The following MYO5A variants were observed in gnomAD, a reference collection of about 807,000 sequenced individuals.
The protein encoded by MYO5A is myosin VA, also known as unconventional myosin-Va.
MYO5A carries 98 observed loss-of-function variants against 249.7 expected under a neutral mutation model. The ratio of observed to expected loss-of-function variants is 0.39; its 90% confidence interval spans 0.33 to 0.46. The LOEUF (loss-of-function observed/expected upper bound fraction) is 0.46, where lower values mean the gene tolerates loss of function less well. Ranked by LOEUF, MYO5A falls within the 20% of genes least tolerant of loss-of-function variation. The pLI, the probability that MYO5A is intolerant of heterozygous loss-of-function variation, is 0.98. For missense variants in MYO5A, 1,696 were observed against 2,308.8 expected (o/e 0.73, Z 5.44); for synonymous variants, 778 against 810.6 (o/e 0.96, Z 0.68).
At chr15:52,494,926 T>TTAGCAA (rs1331327901) in intron 1 of MYO5A, among the ~76,000 whole-genome samples, 3 of 152,202 alleles carry the variant, frequency 2.0e-5, no homozygotes, top group African/African-American at 7.2e-5. Flanking sequence ...ACAATAAATG[T>TTAGCAA]TAAAGGTTGG....
chr15:52,386,666 C>T (rs749320991), intron 14 of MYO5A, among the ~76,000 whole-genome samples: 5 of 152,070 alleles, frequency 3.3e-5, no homozygotes, highest in South Asian at 2.1e-4. Flanking sequence ...TCCCACTCAG[C>T]TTCCCAAGTA....
intron 1 of MYO5A, among the ~76,000 whole-genome samples, chr15:52,433,999 C>CTTT (rs398043307): frequency 2.4e-5 from 3 of 127,300 alleles, no homozygotes; most frequent in Admixed American, 8.1e-5. Context: ...CTTTCTTTTT[C>CTTT]TTTTTTTTTT....
intron 1 of MYO5A, among the ~76,000 whole-genome samples, chr15:52,476,276 C>T (rs1254666138): frequency 1.3e-5 from 2 of 152,046 alleles, no homozygotes; most frequent in African/African-American, 4.8e-5. Context: ...TATTTTGAGC[C>T]TATGTGTGTC....
chr15:52,329,793 C>T (rs181385037), intron 35 of MYO5A, among the ~76,000 whole-genome samples: 31 of 152,046 alleles, frequency 2.0e-4, no homozygotes, highest in African/African-American at 7.0e-4. Flanking sequence ...GGGTGGAGTG[C>T]AGTGGTATAA....
At chr15:52,455,187 A>G (rs1223942079) in intron 1 of MYO5A, among the ~76,000 whole-genome samples, 3 of 152,058 alleles carry the variant, frequency 2.0e-5, no homozygotes, top group African/African-American at 7.2e-5. Flanking sequence ...ATAAAGTACT[A>G]TATGCCAACA....
chr15:52,510,093 G>A (rs1408326933), intron 1 of MYO5A, among the ~76,000 whole-genome samples: 2 of 124,400 alleles, frequency 1.6e-5, no homozygotes, highest in Admixed American at 1.8e-4. Context: ...GAATTAAGCG[G>A]ACTAAAATGA....
chr15:52,473,836 G>A (rs2076532099), intron 1 of MYO5A, among the ~76,000 whole-genome samples: 1 of 152,192 alleles, frequency 6.6e-6, no homozygotes, highest in Admixed American at 6.5e-5. Context: ...GATGCCTCCA[G>A]CTTTGTTCTT....
In MYO5A at chr15:52,384,257, G is replaced by C. The variant is rs1289357066; in HGVS notation, c.1818C>G (p.Ser606=). The change falls in exon 15 of 42, where the codon TCC becomes TCG. Residue 606 remains serine (S), a synonymous_variant. Coordinates refer to ENST00000399233, the MANE Select transcript of MYO5A (RefSeq NM_001382347.1). ...EKAISPTSAT[S]SGRTPLTRTP... ...TTCGTGTGAGGGGTGTGCGCCCTGA[G>C]GAGGTGGCTGAAGTTGGACTGATGG... The C allele has an allele frequency of 6.2e-7, 1 of 1,614,194 alleles. No homozygotes were observed. Among genetic ancestry groups the C allele is most frequent in the Middle Eastern group, 1.6e-4 (1 of 6,062 alleles).
chr15:52,405,051 T>TCA (rs58764245), intron 9 of MYO5A, among the ~76,000 whole-genome samples: 1,937 of 140,254 alleles, frequency 0.014, 25 homozygotes, highest in Admixed American at 0.024. Flanking sequence ...TCTCTCTCTG[T>TCA]CACACACACA....
chr15:52,461,475 A>T (rs1192818206), intron 1 of MYO5A, among the ~76,000 whole-genome samples: 1 of 152,196 alleles, frequency 6.6e-6, no homozygotes, highest in Non-Finnish European at 1.5e-5. Flanking sequence ...TAGTCACCCA[A>T]ACTTAAAAAC....
At chr15:52,358,387 G>A (rs2141042324) in intron 25 of MYO5A, among the ~76,000 whole-genome samples, 1 of 152,288 alleles carries the variant, frequency 6.6e-6, no homozygotes, top group East Asian at 1.9e-4. Context: ...AGGCTCAGAA[G>A]TCCTAATTTT....
chr15:52,344,396 C>T (rs1270358833), intron 30 of MYO5A, among the ~76,000 whole-genome samples: 8 of 152,156 alleles, frequency 5.3e-5, no homozygotes. Flanking sequence ...ACTCCAGTCC[C>T]ACGATCACAA....
chr15:52,416,126 CGAAGACTCGCTGTCT>C lies in MYO5A; in HGVS notation c.612+4_612+18del, dbSNP rs773393604. On this transcript the variant is annotated splice_donor_5th_base_variant and intron_variant, in intron 5 of 41. Transcript: ENST00000399233. ...TATCAAGAGAATATAGGAAGAAAGCCGAAGACTCGCTGTCTTACCTCCATGATGGGGTTGGAGGCC... is the reference window on the plus strand; with the variant it reads ...TATCAAGAGAATATAGGAAGAAAGCCTACCTCCATGATGGGGTTGGAGGCC... 4 of 1,613,418 alleles carry C rather than the reference CGAAGACTCGCTGTCT, an allele frequency of 2.5e-6. No individual in the cohort carries two copies. Among genetic ancestry groups the C allele is most frequent in the African/African-American group, 2.7e-5 (2 of 74,974 alleles).
At position 52,325,251 on chromosome 15, in the gene MYO5A, T is replaced by C. The variant is rs192476379; in HGVS notation, c.4711-1807A>G. 2.7e-3 allele frequency among the ~76,000 whole-genome samples: 418 copies of C among 152,244 alleles called. 2 individuals carry two copies. Among genetic ancestry groups the C allele is most frequent in the African/African-American group, 8.2e-3 (341 of 41,534 alleles). ...TCACTGACGTCTACACAAGTCAAAC[T>C]GCAGAGATCCTCAGAATAGTCCCAG... On this transcript the variant is annotated intron_variant, in intron 36 of 41. Transcript: ENST00000399233.
intron 1 of MYO5A, among the ~76,000 whole-genome samples, chr15:52,504,054 CTTTTT>C (rs71425753): frequency 2.4e-5 from 3 of 122,952 alleles, no homozygotes; most frequent in Middle Eastern, 4.3e-3. Flanking sequence ...GTTTCTCCTT[CTTTTT>C]TTTTTTTTTT....
At chr15:52,490,932 G>C (rs1297024239) in intron 1 of MYO5A, among the ~76,000 whole-genome samples, 1 of 151,962 alleles carries the variant, frequency 6.6e-6, no homozygotes, top group African/African-American at 2.4e-5. Flanking sequence ...TGTTACCTAA[G>C]CTGGTCTTGA....
At chr15:52,329,121 T>C (rs771034904) in intron 35 of MYO5A, 2 of 152,224 alleles carry the variant, frequency 1.3e-5, no homozygotes, top group African/African-American at 2.4e-5. Context: ...ACCTAGAAAA[T>C]GCTTGGCACA....
At chr15:52,361,777 C>T (rs1596343392) in intron 24 of MYO5A, among the ~76,000 whole-genome samples, 3 of 152,116 alleles carry the variant, frequency 2.0e-5, no homozygotes, top group Non-Finnish European at 2.9e-5. Flanking sequence ...TTTGTTCCCC[C>T]GTTTATACGT....
chr15:52,457,125 A>T (rs2076134011), intron 1 of MYO5A, among the ~76,000 whole-genome samples: 1 of 151,554 alleles, frequency 6.6e-6, no homozygotes. Context: ...AAACAAAACA[A>T]AAAACAAATA....
Sources: gnomAD v4.1 joint callset for allele counts (sites outside exome capture counted in the v4.1 genomes callset) on GRCh38, gnomAD v4.1.1 for gene constraint, MANE v1.5 for transcripts, NCBI Gene and HGNC (gene_info 2026-07-23, HGNC 2026-07-21) for gene names.